CLCN3: variants seen among roughly 807,000 people sequenced by gnomAD.
CLCN3 encodes H(+)/Cl(-) exchange transporter 3.
In CLCN3, 16 loss-of-function variants were observed where a neutral mutation model predicts 83.4. The ratio of observed to expected loss-of-function variants is 0.19; its 90% CI spans 0.13 to 0.29. CLCN3 has a LOEUF of 0.29. Among genes scored for constraint, CLCN3 ranks in the 10% least tolerant of loss-of-function variants. The pLI, the probability that CLCN3 is intolerant of heterozygous loss-of-function variation, is 1.00. For missense variants in CLCN3, 544 were observed against 1,006.0 expected (o/e 0.54, Z 6.21); for synonymous variants, 322 against 346.2 (o/e 0.93, Z 0.78).
chr4:169,719,270 T>G (rs6842802), intron 12 of CLCN3, among the ~76,000 whole-genome samples: 72,121 of 152,018 alleles, frequency 0.47, 17,538 homozygotes, highest in South Asian at 0.54. Flanking sequence ...TTGAAGCCCA[T>G]TCTGGCCAAC....
intron 7 of CLCN3, among the ~76,000 whole-genome samples, chr4:169,694,696 G>T (rs1156913566): frequency 6.6e-6 from 1 of 152,028 alleles, no homozygotes; most frequent in Non-Finnish European, 1.5e-5. Context: ...AAAATTAGCC[G>T]GGCGTGGTGG....
intron 1 of CLCN3, among the ~76,000 whole-genome samples, chr4:169,626,121 C>T (rs1160181417): frequency 6.6e-6 from 1 of 152,190 alleles, no homozygotes; most frequent in Admixed American, 6.5e-5. Context: ...GATCCCATGA[C>T]CCCCCCACTC....
chr4:169,643,545 T>C (rs575767917), intron 2 of CLCN3, among the ~76,000 whole-genome samples: 1 of 152,122 alleles, frequency 6.6e-6, no homozygotes, highest in Admixed American at 6.5e-5. Context: ...ATAATTTTTT[T>C]AAAAAAATTC....
Position 169,697,344 on chromosome 4 carries a change from T to G in CLCN3, c.1173T>G (p.Phe391Leu), listed in dbSNP as rs748783063. 11 of 1,614,184 alleles carry G rather than the reference T, an allele frequency of 6.8e-6. No individual in the cohort carries two copies. Among genetic ancestry groups the G allele is most frequent in the Non-Finnish European group, 9.3e-6 (11 of 1,180,034 alleles). Reference protein sequence around the residue: ...YHTPWYLFELFPFILLGVFGG... With the variant: ...YHTPWYLFELLPFILLGVFGG... Reference sequence around the variant, plus strand: ...CACCATGGTACCTTTTTGAACTGTTTCCTTTTATTCTTCTAGGGGTATTTG... The same window carrying G: ...CACCATGGTACCTTTTTGAACTGTTGCCTTTTATTCTTCTAGGGGTATTTG... The change falls in exon 9 of 13, where the codon TTT becomes TTG. Residue 391 changes from phenylalanine to leucine, a missense_variant. By Grantham distance (22) the Phe-to-Leu change is conservative (BLOSUM62 0). Around this residue, in one of 6 missense-constraint regions of CLCN3, gnomAD observed 194 missense variants for 341.4 expected, o/e 0.57. Transcript: ENST00000513761.
intron 2 of CLCN3, among the ~76,000 whole-genome samples, chr4:169,649,859 A>G (rs1408625332): frequency 6.6e-6 from 1 of 152,190 alleles, no homozygotes; most frequent in Non-Finnish European, 1.5e-5. Flanking sequence ...CGAAGCGGGC[A>G]GATTGCTTGA....
At chr4:169,706,742 G>A in intron 10 of CLCN3, 126 bp from the exon 11 acceptor site, 1 of 704,814 alleles carries the variant, frequency 1.4e-6, no homozygotes, top group South Asian at 1.9e-5. Flanking sequence ...AGTTTTAGAT[G>A]CTAATGCTTT....
intron 3 of CLCN3, chr4:169,680,736 T>G (rs1430010425): frequency 1.3e-5 from 2 of 152,288 alleles, no homozygotes; most frequent in Non-Finnish European, 2.9e-5. Flanking sequence ...TTGTAATGGT[T>G]TACTGTTTTT....
chr4:169,679,422 G>A (rs1263032946), intron 2 of CLCN3, among the ~76,000 whole-genome samples: 15 of 151,976 alleles, frequency 9.9e-5, no homozygotes, highest in Admixed American at 8.5e-4. Context: ...CGGCCGGGCA[G>A]AGGGGCTTCT....
At chr4:169,632,604 G>C (rs1332368019) in intron 1 of CLCN3, among the ~76,000 whole-genome samples, 2 of 150,456 alleles carry the variant, frequency 1.3e-5, no homozygotes, top group African/African-American at 4.9e-5. Flanking sequence ...GTAGTCCCAG[G>C]TACTCGGGAG....
chr4:169,704,633 A>G (rs1732921251), intron 10 of CLCN3, among the ~76,000 whole-genome samples: 1 of 152,200 alleles, frequency 6.6e-6, no homozygotes, highest in African/African-American at 2.4e-5. Context: ...TAAAAGATGT[A>G]TTTACCCATG....
intron 2 of CLCN3, among the ~76,000 whole-genome samples, chr4:169,664,546 CTCT>C (rs1406105049): frequency 6.6e-6 from 1 of 152,000 alleles, no homozygotes; most frequent in African/African-American, 2.4e-5. Flanking sequence ...AAAATTAAAC[CTCT>C]TCTTAAAAAT....
At position 169,626,514 on chromosome 4, in the gene CLCN3, C is replaced by A. The variant is rs139700876; in HGVS notation, c.-17+5451C>A. ...TGCCTGTCTGCAGCATTCCTTCTTCCAGGGTCTGGGGCAAGCTCCCTTCTA... is the reference window on the plus strand; with the variant it reads ...TGCCTGTCTGCAGCATTCCTTCTTCAAGGGTCTGGGGCAAGCTCCCTTCTA... On this transcript the variant is annotated intron_variant, in intron 1 of 12. Coordinates refer to ENST00000513761, the MANE Select transcript of CLCN3 (RefSeq NM_001829.4). 6.5e-3 allele frequency among the ~76,000 whole-genome samples: 991 copies of A among 152,376 alleles called. 12 individuals are homozygous for A. The highest frequency in any genetic ancestry group is 0.022 in the African/African-American group (913 of 41,584).
Position 169,703,133 on chromosome 4 carries a change from T to TA in CLCN3, c.1564-864dup, listed in dbSNP as rs1732862008. 2.0e-5 allele frequency among the ~76,000 whole-genome samples: 3 copies of TA among 152,138 alleles called. No homozygotes were observed. The South Asian group carries it at 6.2e-4, about 32-fold the overall frequency. On this transcript the variant is annotated intron_variant, in intron 9 of 12. Coordinates refer to ENST00000513761, the MANE Select transcript of CLCN3 (RefSeq NM_001829.4). ...TCATTAATCACAGAGCACTGTAACATATAATAATAGTGAAAATTTTCAAAG... is the reference window on the plus strand; with the variant it reads ...TCATTAATCACAGAGCACTGTAACATAATAATAATAGTGAAAATTTTCAAAG...
intron 1 of CLCN3, among the ~76,000 whole-genome samples, chr4:169,624,389 C>T (rs921241795): frequency 2.0e-5 from 3 of 152,120 alleles, no homozygotes; most frequent in Non-Finnish European, 2.9e-5. Flanking sequence ...CCGCCTCGGC[C>T]ACCCAAAGTG....
At chr4:169,661,046 A>G (rs931979219) in intron 2 of CLCN3, among the ~76,000 whole-genome samples, 2 of 152,142 alleles carry the variant, frequency 1.3e-5, no homozygotes, top group African/African-American at 4.8e-5. Context: ...GAAATTTGAT[A>G]TGATAAAACA....
chr4:169,716,261 A>G (rs1474274903), intron 12 of CLCN3, among the ~76,000 whole-genome samples: 1 of 152,096 alleles, frequency 6.6e-6, no homozygotes, highest in East Asian at 1.9e-4. Context: ...TAGGGTTTTT[A>G]CTTTATAAAT....
At chr4:169,682,856 T>A (rs1435603232) in intron 3 of CLCN3, among the ~76,000 whole-genome samples, 1 of 152,222 alleles carries the variant, frequency 6.6e-6, no homozygotes, top group Admixed American at 6.6e-5. Flanking sequence ...CCACTGGTTT[T>A]GCATTTTCAG....
At chr4:169,684,540 A>G (rs1007072930) in intron 3 of CLCN3, among the ~76,000 whole-genome samples, 7 of 152,040 alleles carry the variant, frequency 4.6e-5, no homozygotes, top group African/African-American at 1.7e-4. Context: ...GTCCTTAGAT[A>G]ATCCTAATCC....
At chr4:169,648,146 A>T (rs1730628443) in intron 2 of CLCN3, among the ~76,000 whole-genome samples, 1 of 152,222 alleles carries the variant, frequency 6.6e-6, no homozygotes, top group Non-Finnish European at 1.5e-5. Context: ...TGGATCCTGT[A>T]TTGGGACCTG....
Sources: allele counts gnomAD v4.1 joint callset (sites outside exome capture counted in the v4.1 genomes callset), GRCh38; gene constraint gnomAD v4.1.1; regional missense constraint gnomAD v4.1.1; transcripts MANE v1.5; gene names NCBI Gene and HGNC (gene_info 2026-07-23, HGNC 2026-07-21).